Variants in RAD51B observed in about 807,000 individuals in gnomAD.
RAD51B encodes DNA repair protein RAD51 homolog 2.
RAD51B carries 38 observed loss-of-function variants against 42.2 expected under a neutral mutation model. That is an observed-to-expected ratio of 0.90 (90% CI 0.70 to 1.18). The LOEUF (loss-of-function observed/expected upper bound fraction) is 1.18. Among genes scored for constraint, RAD51B ranks in the 50% most tolerant of loss-of-function variants. The probability of loss-of-function intolerance (pLI) is 0.00; values close to 1 mark genes in which losing one functional copy is unlikely to be tolerated. For missense variants in RAD51B, 373 were observed against 400.7 expected, an observed-to-expected ratio of 0.93 and a Z score of 0.59; for synonymous variants, 154 against 145.2, an observed-to-expected ratio of 1.06 and a Z score of -0.43.
chr14:67,931,454 T>C (rs2044730130), intron 7 of RAD51B, among the ~76,000 whole-genome samples: 2 of 151,884 alleles, frequency 1.3e-5, no homozygotes, highest in South Asian at 2.1e-4. Context: ...TTGTATCTCA[T>C]TGGGCTTCTT....
chr14:68,195,269 TCATCC>T (rs1231543223), intron 7 of RAD51B, among the ~76,000 whole-genome samples: 3 of 152,192 alleles, frequency 2.0e-5, no homozygotes, highest in Admixed American at 2.0e-4. Context: ...GAAACCTGAG[TCATCC>T]TTGACATGTC....
chr14:68,298,397 G>C (rs2081654276), intron 8 of RAD51B, among the ~76,000 whole-genome samples: 1 of 152,166 alleles, frequency 6.6e-6, no homozygotes, highest in Non-Finnish European at 1.5e-5. Flanking sequence ...CTGTTTTGCT[G>C]GTGCTAGTTT....
intron 10 of RAD51B, among the ~76,000 whole-genome samples, chr14:68,530,242 A>C (rs1050671016): frequency 2.0e-5 from 3 of 151,886 alleles, no homozygotes; most frequent in African/African-American, 7.3e-5. Context: ...CCAGGAGTTC[A>C]AGACTAGCCT....
chr14:68,657,760 G>C (rs17835170), intron 11 of RAD51B, among the ~76,000 whole-genome samples: 4,798 of 152,336 alleles, frequency 0.031, 117 homozygotes, highest in South Asian at 0.066. Context: ...AGAAGTGCCA[G>C]GACAGGTTGT....
chr14:67,865,667 T>C (rs2042316957), intron 5 of RAD51B, among the ~76,000 whole-genome samples: 1 of 150,970 alleles, frequency 6.6e-6, no homozygotes, highest in Non-Finnish European at 1.5e-5. Context: ...GCCTCCTGAG[T>C]AGCTGGGATT....
At chr14:68,617,880 C>T (rs889581928) in intron 10 of RAD51B, among the ~76,000 whole-genome samples, 5 of 152,152 alleles carry the variant, frequency 3.3e-5, no homozygotes, top group Admixed American at 6.5e-5. Flanking sequence ...CCTGCGGGGT[C>T]ATCCTCTTTG....
intron 10 of RAD51B, among the ~76,000 whole-genome samples, chr14:68,570,110 A>G (rs1487850004): frequency 6.6e-6 from 1 of 152,198 alleles, no homozygotes; most frequent in Non-Finnish European, 1.5e-5. Flanking sequence ...CCAGAGTAAC[A>G]GAACAGGCTG....
chr14:68,418,551 G>A (rs545741199), intron 9 of RAD51B, among the ~76,000 whole-genome samples: 1 of 152,324 alleles, frequency 6.6e-6, no homozygotes, highest in African/African-American at 2.4e-5. Context: ...AAATACCTGG[G>A]CAGGAGATTT....
chr14:68,366,028 T>A (rs1218451120), intron 8 of RAD51B, among the ~76,000 whole-genome samples: 1 of 152,252 alleles, frequency 6.6e-6, no homozygotes, highest in Non-Finnish European at 1.5e-5. Context: ...GTGTCGCTTT[T>A]TGATAAATTA....
At chr14:68,670,701 C>T (rs1331268445) in intron 11 of RAD51B, among the ~76,000 whole-genome samples, 1 of 152,242 alleles carries the variant, frequency 6.6e-6, no homozygotes, top group East Asian at 1.9e-4. Flanking sequence ...TCCATCCACT[C>T]TCATCTTCCA....
intron 10 of RAD51B, among the ~76,000 whole-genome samples, chr14:68,515,188 A>G (rs1886045345): frequency 6.6e-6 from 1 of 152,078 alleles, no homozygotes; most frequent in Admixed American, 6.5e-5. Context: ...ATTTATTTTT[A>G]ATTTTGGGGG....
chr14:68,177,509 C>T (rs757455035), intron 7 of RAD51B, among the ~76,000 whole-genome samples: 9 of 152,042 alleles, frequency 5.9e-5, no homozygotes, highest in African/African-American at 1.9e-4. Context: ...TAAAAACATG[C>T]GATCACATGT....
At chr14:68,484,481 C>T (rs556153879) in intron 10 of RAD51B, among the ~76,000 whole-genome samples, 22 of 146,702 alleles carry the variant, frequency 1.5e-4, no homozygotes, top group African/African-American at 5.8e-4. Flanking sequence ...CCTCAGCCTC[C>T]CGAGTAGCTG....
At chr14:68,682,879 T>C in intron 11 of RAD51B, 1 of 927,116 alleles carries the variant, frequency 1.1e-6, no homozygotes, top group Non-Finnish European at 1.3e-6. Flanking sequence ...ACAAGGCTTT[T>C]TTTTTTTTAA....
At chr14:68,589,225 T>G (rs1890628243) in intron 10 of RAD51B, among the ~76,000 whole-genome samples, 1 of 152,184 alleles carries the variant, frequency 6.6e-6, no homozygotes, top group Non-Finnish European at 1.5e-5. Context: ...GCCATTTTTG[T>G]AGTCATTAGA....
intron 8 of RAD51B, among the ~76,000 whole-genome samples, chr14:68,320,574 C>A (rs1278250552): frequency 1.3e-5 from 2 of 152,354 alleles, no homozygotes; most frequent in South Asian, 4.1e-4. Flanking sequence ...GGCCTTGCCC[C>A]TCTCTTCCTC....
chr14:68,411,249 T>C (rs1050274268), intron 8 of RAD51B, among the ~76,000 whole-genome samples, 175 bp from the exon 9 acceptor site: 1 of 152,204 alleles, frequency 6.6e-6, no homozygotes, highest in Non-Finnish European at 1.5e-5. Flanking sequence ...TGCTGGTTTT[T>C]AGTCTCATAT....
intron 10 of RAD51B, chr14:68,541,173 T>C (rs1887944861): frequency 2.0e-6 from 2 of 985,284 alleles, no homozygotes; most frequent in Admixed American, 6.1e-5. Context: ...CCCAAGCCAA[T>C]CACCAGGGAG....
intron 7 of RAD51B, among the ~76,000 whole-genome samples, chr14:67,974,738 G>A (rs541384761): frequency 1.3e-5 from 2 of 152,164 alleles, no homozygotes; most frequent in South Asian, 4.1e-4. Flanking sequence ...GTGTTTATCA[G>A]TTGTGTACAC....
Sources: gnomAD v4.1 joint callset for allele counts (sites outside exome capture counted in the v4.1 genomes callset) on GRCh38, gnomAD v4.1.1 for gene constraint, MANE v1.5 for transcripts, NCBI Gene and HGNC (gene_info 2026-07-23, HGNC 2026-07-21) for gene names.